ETHE1: variants seen among roughly 807,000 people sequenced by gnomAD.
ETHE1 encodes the protein ETHE1 persulfide dioxygenase.
Under a neutral mutation model 25.7 loss-of-function variants are expected in ETHE1, and 16 were observed. The observed-to-expected ratio is 0.62, with a 90% CI of 0.42 to 0.95. The LOEUF is 0.95. Among genes scored for constraint, ETHE1 ranks in the 40% least tolerant of loss-of-function variants. The probability of loss-of-function intolerance (pLI) is 0.00; values close to 1 mark genes in which losing one functional copy is unlikely to be tolerated. For missense variants in ETHE1, 300 were observed against 333.6 expected, an observed-to-expected ratio of 0.90 and a Z score of 0.79; for synonymous variants, 139 against 135.9, an observed-to-expected ratio of 1.02 and a Z score of -0.16.
Position 43,511,564 on chromosome 19 carries a change from C to G in ETHE1, c.378G>C (p.Ala126=), listed in dbSNP as rs138427304. ...DGDSIRFGRF[A]LETRASPGHT... is the part of the protein sequence containing the mutation. ...GGCCAGGGCTGGCCCTGGTCTCCAA[C>G]GCCTGGCAGGGGTGGAAGAGTACAG... The change falls in exon 4 of 7, where the codon GCG becomes GCC. Residue 126 remains alanine (A), a splice_region_variant and synonymous_variant. Transcript: ENST00000292147. The G allele has an allele frequency of 6.2e-7, 1 of 1,613,302 alleles. No individual in the cohort carries two copies. Among genetic ancestry groups the G allele is most frequent in the Admixed American group, 1.7e-5 (1 of 60,002 alleles).
At chr19:43,521,681 A>G (rs934903535) in intron 3 of ETHE1, among the ~76,000 whole-genome samples, 27 of 151,012 alleles carry the variant, frequency 1.8e-4, no homozygotes, top group African/African-American at 5.8e-4. Flanking sequence ...AAAAAAAAAA[A>G]AAAGAAAGAA....
At chr19:43,518,402 G>C (rs1359158315) in intron 3 of ETHE1, among the ~76,000 whole-genome samples, 1 of 151,786 alleles carries the variant, frequency 6.6e-6, no homozygotes, top group Non-Finnish European at 1.5e-5. Flanking sequence ...ATTATTCCTC[G>C]GGTAATTGGA....
intron 1 of ETHE1, 179 bp downstream of exon 1, chr19:43,526,918 A>G (rs1409371631): frequency 2.5e-5 from 37 of 1,482,146 alleles, no homozygotes; most frequent in Non-Finnish European, 3.2e-5. Flanking sequence ...CCAAGCCCAG[A>G]GGCCCCCAGA....
chr19:43,518,116 A>G (rs2145998454), intron 3 of ETHE1, among the ~76,000 whole-genome samples: 1 of 151,604 alleles, frequency 6.6e-6, no homozygotes, highest in African/African-American at 2.4e-5. Context: ...TAAAAAAGAA[A>G]ACAAAACAAA....
At chr19:43,523,133 G>A (rs181600946) in intron 3 of ETHE1, among the ~76,000 whole-genome samples, 21 of 152,264 alleles carry the variant, frequency 1.4e-4, no homozygotes, top group African/African-American at 3.1e-4. Context: ...TTAGGAGGGC[G>A]GTCATTGGCC....
At position 43,508,783 on chromosome 19, in the gene ETHE1, T is replaced by A. The variant is rs1008232313; in HGVS notation, c.587A>T (p.Asp196Val). Residue 196 changes from aspartate (D) to valine (V), a missense_variant, in exon 5 of 7, where the codon GAT (aspartate) becomes GTT (valine). Physicochemically the swap from Asp to Val is radical, Grantham distance 152 (BLOSUM62 -3). Coordinates refer to ENST00000292147, the MANE Select transcript of ETHE1 (RefSeq NM_014297.5). ...TTCCAGGAAGCCCTCACCATGGTAA[T>A]CGTGAGCAGGGTAGATCAGACAGTC... is the stretch of plus-strand genomic sequence containing the variant. ...PGDCLIYPAHDYHGFTVSTVE... is the reference protein window; with the variant it reads ...PGDCLIYPAHVYHGFTVSTVE... 6.2e-7 allele frequency: 1 copy of A among 1,603,540 alleles called. No homozygotes were observed.
In ETHE1 at chr19:43,506,847, AG is replaced by A. The variant is rs1228639140; in HGVS notation, c.*2del. ...TGGATGGGAGCATCTGACAGAAGTG[AG>A]ATCAGGCAGTGGGTGTCTGCACCCC... is the stretch of plus-strand genomic sequence containing the variant. On this transcript the variant is annotated 3_prime_UTR_variant, in exon 7 of 7. Transcript: ENST00000292147. 6.2e-7 allele frequency: 1 copy of A among 1,613,438 alleles called. No individual in the cohort carries two copies.
At chr19:43,514,139 G>A (rs896672851) in intron 3 of ETHE1, among the ~76,000 whole-genome samples, 9 of 151,968 alleles carry the variant, frequency 5.9e-5, no homozygotes, top group East Asian at 3.9e-4. Flanking sequence ...ATTTGGGAGC[G>A]ACCAAAGTGG....
chr19:43,513,641 T>C (rs1971963213), intron 3 of ETHE1, among the ~76,000 whole-genome samples: 2 of 152,138 alleles, frequency 1.3e-5, no homozygotes, highest in African/African-American at 4.8e-5. Context: ...ATCTATGAAA[T>C]AACTAAACTT....
At position 43,511,783 on chromosome 19, in the gene ETHE1, C is replaced by T. The variant is rs191469005; in HGVS notation, c.376-217G>A. Among the ~76,000 whole-genome samples, 434 of 152,278 alleles carry T rather than the reference C, an allele frequency of 2.9e-3. 1 individual carries two copies. Among genetic ancestry groups the T allele is most frequent in the Admixed American group, 5.9e-3 (90 of 15,284 alleles). Reference sequence around the variant, plus strand: ...AAAACCGCAAAGCTGTGACACACAACAACAAAAATACAAATAATATCTGAC... The same window carrying T: ...AAAACCGCAAAGCTGTGACACACAATAACAAAAATACAAATAATATCTGAC... On this transcript the variant is annotated intron_variant, in intron 3 of 6. Coordinates refer to ENST00000292147, the MANE Select transcript of ETHE1 (RefSeq NM_014297.5).
At chr19:43,516,639 T>TG (rs1435069567) in intron 3 of ETHE1, among the ~76,000 whole-genome samples, 2 of 147,946 alleles carry the variant, frequency 1.4e-5, no homozygotes, top group African/African-American at 2.5e-5. Flanking sequence ...TTTTTTTTTT[T>TG]TTGAGATAGA....
chr19:43,522,249 C>CA (rs1972151079), intron 3 of ETHE1, among the ~76,000 whole-genome samples: 1 of 152,092 alleles, frequency 6.6e-6, no homozygotes, highest in Admixed American at 6.6e-5. Context: ...CAGCAAGACT[C>CA]AGTCTCTACA....
intron 3 of ETHE1, among the ~76,000 whole-genome samples, chr19:43,512,170 T>C (rs1303055454): frequency 1.3e-5 from 2 of 152,176 alleles, no homozygotes; most frequent in Non-Finnish European, 2.9e-5. Context: ...ATTAGCAGCA[T>C]GAGAAAAGAC....
chr19:43,509,180 G>A (rs956874997), intron 4 of ETHE1, among the ~76,000 whole-genome samples: 49 of 152,262 alleles, frequency 3.2e-4, no homozygotes, highest in African/African-American at 1.1e-3. Flanking sequence ...TTCTGAACAA[G>A]GAAGGTGGAC....
Position 43,526,846 on chromosome 19 carries a change from C to T in ETHE1, c.82-187G>A, listed in dbSNP as rs2261316. 1,002,628 of 1,476,474 alleles carry T rather than the reference C, an allele frequency of 0.68. 342,586 individuals are homozygous for T. The highest frequency in any genetic ancestry group is 0.86 in the African/African-American group (61,149 of 71,056). 91.5% of individuals were successfully genotyped at this position (1,476,474 alleles called of 1,614,324 possible). A position where few individuals can be genotyped will look rare whatever the true frequency, so the allele number is the denominator to read the frequency against. On this transcript the variant is annotated intron_variant, in intron 1 of 6. Transcript: ENST00000292147. ...TATCAGAACAAAAGAGTTCCAACTT[C>T]CTAACATCCCAAAATCAGGGTCCCC...
Position 43,507,001 on chromosome 19 carries a change from A to G in ETHE1, c.713-99T>C, listed in dbSNP as rs977062325. ...CCTAGGAACCTTTCCTCTTCAGGAA[A>G]CTAGAGTTTTGGTCCTGAGCCCACT... On this transcript the variant is annotated intron_variant, in intron 6 of 6. Coordinates refer to ENST00000292147, the MANE Select transcript of ETHE1 (RefSeq NM_014297.5). The G allele has an allele frequency of 9.0e-6, 12 of 1,337,194 alleles. No homozygotes were observed. The African/African-American group carries it at 1.7e-4, about 19-fold the overall frequency. 82.8% of individuals were successfully genotyped at this position (1,337,194 alleles called of 1,614,324 possible). A position where few individuals can be genotyped will look rare whatever the true frequency, so the allele number is the denominator to read the frequency against.
chr19:43,527,036 A>G, intron 1 of ETHE1, 61 bp downstream of exon 1: 1 of 1,541,272 alleles, frequency 6.5e-7, no homozygotes, highest in South Asian at 1.2e-5. Flanking sequence ...GAGACCCCGG[A>G]GTTCCGTCCT....
At chr19:43,512,362 G>C (rs990196689) in intron 3 of ETHE1, among the ~76,000 whole-genome samples, 1 of 152,188 alleles carries the variant, frequency 6.6e-6, no homozygotes, top group Non-Finnish European at 1.5e-5. Context: ...CCAATATGCC[G>C]AGAGTGATAT....
Position 43,526,365 on chromosome 19 carries a change from G to C in ETHE1, c.227-16C>G, listed in dbSNP as rs370613015. ...TGGGTATTCACTGGGAGAGAGAGGA[G>C]GGACAGGTCCGGAGGGTACAGAAAG... is the stretch of plus-strand genomic sequence containing the variant. On this transcript the variant is annotated splice_polypyrimidine_tract_variant and intron_variant, in intron 2 of 6. Transcript: ENST00000292147. 1 of 1,614,008 alleles carries C rather than the reference G, an allele frequency of 6.2e-7. No homozygotes were observed. The highest frequency in any genetic ancestry group is 8.5e-7 in the Non-Finnish European group (1 of 1,180,022).
Sources: allele counts gnomAD v4.1 joint callset (sites outside exome capture counted in the v4.1 genomes callset), GRCh38; gene constraint gnomAD v4.1.1; transcripts MANE v1.5; gene names NCBI Gene and HGNC (gene_info 2026-07-23, HGNC 2026-07-21).